MOGAT3: variants seen among roughly 807,000 people sequenced by gnomAD.
The protein encoded by MOGAT3 is 2-acylglycerol O-acyltransferase 3.
A neutral mutation model predicts 34.4 loss-of-function variants in MOGAT3; 39 were observed. That is an observed-to-expected ratio of 1.13 (90% CI 0.88 to 1.48). MOGAT3 has a LOEUF of 1.48. MOGAT3 is among the 40% of genes most tolerant of loss of function. The pLI, the probability that MOGAT3 is intolerant of heterozygous loss-of-function variation, is 0.00. For missense variants in MOGAT3, 439 were observed against 438.9 expected (o/e 1.00, Z 0.00); for synonymous variants, 209 against 179.2 (o/e 1.17, Z -1.33).
At chr7:101,193,498 C>T (rs1281971145), downstream of MOGAT3, among the ~76,000 whole-genome samples, 1 of 152,108 alleles carries the variant, frequency 6.6e-6, no homozygotes, top group Non-Finnish European at 1.5e-5. Flanking sequence ...GGTGCAATCT[C>T]GGCTCACTGC....
chr7:101,199,613 CCTT>C (rs1562885717), intron 3 of MOGAT3, among the ~76,000 whole-genome samples: 1 of 98,558 alleles, frequency 1.0e-5, no homozygotes, highest in Non-Finnish European at 1.9e-5. Flanking sequence ...ACCACAACCG[CCTT>C]TTTTTTTTTT....
At position 101,200,740 on chromosome 7, in the gene MOGAT3, T is replaced by G; in HGVS notation, c.109+6A>C. 1 of 1,612,306 alleles carries G rather than the reference T, an allele frequency of 6.2e-7. No homozygotes were observed. The highest frequency in any genetic ancestry group is 8.5e-7 in the Non-Finnish European group (1 of 1,178,640). On this transcript the variant is annotated splice_donor_region_variant and intron_variant, in intron 1 of 6. Coordinates refer to ENST00000223114, the MANE Select transcript of MOGAT3 (RefSeq NM_178176.4). ...CCCCAGGCACCCACGCCTCCCCAGC[T>G]CTCACCCATGAAGAGGAAAGTGAGC...
rs1366956602 is a variant in MOGAT3, at chr7:101,195,065, C to T, written c.*881G>A. The T allele has an allele frequency of 6.6e-6, 1 of 152,286 alleles. No individual in the cohort carries two copies. The highest frequency in any genetic ancestry group is 1.5e-5 in the Non-Finnish European group (1 of 68,106). 9.4% of individuals were successfully genotyped at this position (152,286 alleles called of 1,614,324 possible). On this transcript the variant is annotated 3_prime_UTR_variant, in exon 7 of 7. Coordinates refer to ENST00000223114, the MANE Select transcript of MOGAT3 (RefSeq NM_178176.4). ...GAAGTAAACAGGCAAAAGGAAGAGGCTTGTCCAAGGTCATGCCACAGACTG... is the reference window on the plus strand; with the variant it reads ...GAAGTAAACAGGCAAAAGGAAGAGGTTTGTCCAAGGTCATGCCACAGACTG...
At chr7:101,197,914 G>T (rs1257671506) in intron 5 of MOGAT3, among the ~76,000 whole-genome samples, 1 of 152,220 alleles carries the variant, frequency 6.6e-6, no homozygotes, top group Non-Finnish European at 1.5e-5. Context: ...TTGCCTTTGA[G>T]TTGGGGTCAG....
At chr7:101,197,508 C>T (rs1467590757) in intron 5 of MOGAT3, among the ~76,000 whole-genome samples, 3 of 152,182 alleles carry the variant, frequency 2.0e-5, no homozygotes, top group African/African-American at 7.2e-5. Flanking sequence ...TTTCTTGAGA[C>T]ACAGTTGTGT....
intron 3 of MOGAT3, 125 bp downstream of exon 3, chr7:101,200,109 T>G (rs920324935): frequency 6.5e-6 from 5 of 773,840 alleles, no homozygotes; most frequent in Non-Finnish European, 1.1e-5. Context: ...AAAAATCCAT[T>G]CCCTGTCCCA....
At chr7:101,200,208 A>C (rs1163547086) in intron 3 of MOGAT3, 26 bp downstream of exon 3, 2 of 1,601,664 alleles carry the variant, frequency 1.2e-6, no homozygotes, top group African/African-American at 1.3e-5. Context: ...GGTAGGAAGC[A>C]GTTTTTCTGC....
Position 101,198,692 on chromosome 7 carries a change from G to T in MOGAT3, c.427C>A (p.Pro143Thr), listed in dbSNP as rs898761143. 1 of 1,613,588 alleles carries T rather than the reference G, an allele frequency of 6.2e-7. No individual in the cohort carries two copies. The highest frequency in any genetic ancestry group is 2.2e-5 in the East Asian group (1 of 44,854). The change falls in exon 4 of 7, where the codon CCC (proline) becomes ACC (threonine). Residue 143 changes from proline to threonine, a missense_variant. Physicochemically the swap from Pro to Thr is conservative, Grantham distance 38. Transcript: ENST00000223114. Reference protein sequence around the residue: ...GFSQLFPGLRPWLAVLAGLFY... With the variant: ...GFSQLFPGLRTWLAVLAGLFY... ...AGGCCAGCCAGCACGGCTAACCAGG[G>T]CCGGAGCCCCGGGAAGAGCTGGGAG...
rs373510278 is a variant in MOGAT3 at position 101,196,250 on chromosome 7, G to A, written c.808C>T (p.Arg270Cys). Residue 270 changes from arginine (R) to cysteine (C), a missense_variant, in exon 6 of 7, where the codon CGC becomes TGC. By Grantham distance (180) the Arg-to-Cys change is radical. Transcript: ENST00000223114. ...CAGGAGGTGGCTGAGAAGAGACCGC[G>A]ACCCCAGAAGATGCAAGGAGAGAAG... Reference protein sequence around the residue: ...MGFSPCIFWGRGLFSATSWGL... With the variant: ...MGFSPCIFWGCGLFSATSWGL... 1.6e-5 allele frequency: 26 copies of A among 1,605,154 alleles called. No individual in the cohort carries two copies. The highest frequency in any genetic ancestry group is 3.4e-5 in the Admixed American group (2 of 58,130).
rs1171139914 is a variant in MOGAT3, at chr7:101,195,855, G to A, written c.*91C>T. On this transcript the variant is annotated 3_prime_UTR_variant, in exon 7 of 7. Coordinates refer to ENST00000223114, the MANE Select transcript of MOGAT3 (RefSeq NM_178176.4). ...GGCATGAGGCACTGCGCTGGGCCCA[G>A]AACTACCTTTTATTGGAGGCATGGA... The A allele has an allele frequency of 2.1e-6, 3 of 1,436,870 alleles. No homozygotes were observed. The highest frequency in any genetic ancestry group is 2.8e-5 in the African/African-American group (2 of 71,480). 89.0% of individuals were successfully genotyped at this position (1,436,870 alleles called of 1,614,324 possible).
In MOGAT3 at chr7:101,195,816, G is replaced by A. The variant is rs1797760309; in HGVS notation, c.*130C>T. ...GATCCTCCCACCTTGGCCTCCCAAA[G>A]TGCTGGGATTACAGGCATGAGGCAC... On this transcript the variant is annotated 3_prime_UTR_variant, in exon 7 of 7. Transcript: ENST00000223114. 1 of 1,038,120 alleles carries A rather than the reference G, an allele frequency of 9.6e-7. No individual in the cohort carries two copies. Among genetic ancestry groups the A allele is most frequent in the African/African-American group, 1.6e-5 (1 of 63,084 alleles). The allele number at this position is 1,038,120 out of a possible 1,614,324, so 64.3% of individuals were successfully genotyped here. A position where few individuals can be genotyped will look rare whatever the true frequency, so the allele number is the denominator to read the frequency against.
Position 101,196,207 on chromosome 7 carries a change from G to A in MOGAT3, c.851C>T (p.Ala284Val), listed in dbSNP as rs370157092. ...SATSWGLLPF[A>V]VPITTVVGRP... ...CTCACCCACAGTGGTGATGGGCACA[G>A]CAAAGGGCAGCAGGCCCCAGGAGGT... is the stretch of plus-strand genomic sequence containing the variant. Residue 284 changes from alanine to valine, a missense_variant, in exon 6 of 7, where the codon GCT becomes GTT. Ala to Val is a moderately conservative substitution (Grantham distance 64). Transcript: ENST00000223114. 6.3e-6 allele frequency: 10 copies of A among 1,579,002 alleles called. No individual in the cohort carries two copies. Among genetic ancestry groups the A allele is most frequent in the Non-Finnish European group, 8.6e-6 (10 of 1,162,112 alleles).
chr7:101,196,501 T>C, intron 5 of MOGAT3, 112 bp from the exon 6 acceptor site: 1 of 669,344 alleles, frequency 1.5e-6, no homozygotes, highest in South Asian at 1.9e-5. Flanking sequence ...CCTCCCAGGG[T>C]CATTCAAAGC....
In MOGAT3 at chr7:101,195,789, A is replaced by T. The variant is rs1040883224; in HGVS notation, c.*157T>A. On this transcript the variant is annotated 3_prime_UTR_variant, in exon 7 of 7. Coordinates refer to ENST00000223114, the MANE Select transcript of MOGAT3 (RefSeq NM_178176.4). ...GCTGGTCTTCAACTCCTGGGCTCAAACGATCCTCCCACCTTGGCCTCCCAA... is the reference window on the plus strand; with the variant it reads ...GCTGGTCTTCAACTCCTGGGCTCAATCGATCCTCCCACCTTGGCCTCCCAA... 3 of 745,732 alleles carry T rather than the reference A, an allele frequency of 4.0e-6. No individual in the cohort carries two copies. The highest frequency in any genetic ancestry group is 6.6e-6 in the Non-Finnish European group (3 of 453,914). 46.2% of individuals were successfully genotyped at this position (745,732 alleles called of 1,614,324 possible). A position where few individuals can be genotyped will look rare whatever the true frequency, so the allele number is the denominator to read the frequency against.
intron 3 of MOGAT3, among the ~76,000 whole-genome samples, chr7:101,199,584 G>A (rs1364032868): frequency 6.7e-6 from 1 of 148,704 alleles, no homozygotes; most frequent in East Asian, 2.0e-4. Context: ...CCAAAGTGCT[G>A]GGATTAAAGG....
Position 101,195,812 on chromosome 7 carries a change from C to A in MOGAT3, c.*134G>T. ...AAACGATCCTCCCACCTTGGCCTCCCAAAGTGCTGGGATTACAGGCATGAG... is the reference window on the plus strand; with the variant it reads ...AAACGATCCTCCCACCTTGGCCTCCAAAAGTGCTGGGATTACAGGCATGAG... On this transcript the variant is annotated 3_prime_UTR_variant, in exon 7 of 7. Transcript: ENST00000223114. The A allele has an allele frequency of 9.8e-7, 1 of 1,016,994 alleles. No homozygotes were observed. Among genetic ancestry groups the A allele is most frequent in the South Asian group, 1.5e-5 (1 of 65,166 alleles). 63.0% of individuals were successfully genotyped at this position (1,016,994 alleles called of 1,614,324 possible).
rs1797942395 is a variant in MOGAT3 at position 101,201,005 on chromosome 7, C to T, written c.-151G>A. 7 of 598,060 alleles carry T rather than the reference C, an allele frequency of 1.2e-5. No homozygotes were observed. The highest frequency in any genetic ancestry group is 1.8e-5 in the Non-Finnish European group (6 of 334,950). 37.0% of individuals were successfully genotyped at this position (598,060 alleles called of 1,614,324 possible). A position where few individuals can be genotyped will look rare whatever the true frequency, so the allele number is the denominator to read the frequency against. ...AATCACCTCCCAGAGTAGCGTGTGT[C>T]CGTAGGTGTGTGAGTGGGGAGATCT... On this transcript the variant is annotated 5_prime_UTR_variant, in exon 1 of 7. Coordinates refer to ENST00000223114, the MANE Select transcript of MOGAT3 (RefSeq NM_178176.4).
At chr7:101,193,977 T>G (rs1797727991), downstream of MOGAT3, among the ~76,000 whole-genome samples, 1 of 152,030 alleles carries the variant, frequency 6.6e-6, no homozygotes, top group African/African-American at 2.4e-5. Context: ...CAGAGGATGC[T>G]GTGACCACCC....
At position 101,196,332 on chromosome 7, in the gene MOGAT3, A is replaced by G. The variant is rs1040521915; in HGVS notation, c.726T>C (p.Ala242=). 1.2e-6 allele frequency: 2 copies of G among 1,613,930 alleles called. No individual in the cohort carries two copies. The highest frequency in any genetic ancestry group is 1.7e-6 in the Non-Finnish European group (2 of 1,179,964). ...FGENDIFRLK[A]FATGSWQHWC... ...AATGCTGCCAGGAGCCTGTGGCAAAAGCCTTAAGTCTAAAGATGTCATTCT... is the reference window on the plus strand; with the variant it reads ...AATGCTGCCAGGAGCCTGTGGCAAAGGCCTTAAGTCTAAAGATGTCATTCT... Residue 242 remains alanine (A), a synonymous_variant, in exon 6 of 7, where the codon GCT becomes GCC. Coordinates refer to ENST00000223114, the MANE Select transcript of MOGAT3 (RefSeq NM_178176.4).
Sources: allele counts gnomAD v4.1 joint callset (sites outside exome capture counted in the v4.1 genomes callset), GRCh38; gene constraint gnomAD v4.1.1; transcripts MANE v1.5; gene names NCBI Gene and HGNC (gene_info 2026-07-23, HGNC 2026-07-21).